Variants in MDGA2 observed in about 807,000 individuals in gnomAD.
MDGA2 encodes MAM domain-containing glycosylphosphatidylinositol anchor protein 2.
Under a neutral mutation model 117.8 loss-of-function variants are expected in MDGA2, and 40 were observed. The ratio of observed to expected loss-of-function variants is 0.34; its 90% CI spans 0.26 to 0.44. The LOEUF is 0.44. Ranked by LOEUF, MDGA2 falls within the 20% of genes least tolerant of loss-of-function variation. The probability of loss-of-function intolerance (pLI) is 1.00; values close to 1 mark genes in which losing one functional copy is unlikely to be tolerated. For synonymous variants in MDGA2, 452 were observed against 439.0 expected (o/e 1.03, Z -0.37); for missense variants, 1,123 against 1,250.6 (o/e 0.90, Z 1.54).
chr14:47,153,503 T>C lies in MDGA2; in HGVS notation c.596-9229A>G, dbSNP rs1023916741. 9.2e-5 allele frequency among the ~76,000 whole-genome samples: 14 copies of C among 152,214 alleles called. No individual in the cohort carries two copies. In the East Asian group the frequency reaches 1.9e-3, roughly 21 times the overall value. On this transcript the variant is annotated intron_variant, in intron 3 of 16. Coordinates refer to ENST00000399232, the MANE Select transcript of MDGA2 (RefSeq NM_001113498.3). ...TGTAAAAGGTAAGAAAGTTGAGTTC[T>C]GTTTGGTTGACGCAGCTCCTCCAGT... is the stretch of plus-strand genomic sequence containing the variant.
intron 1 of MDGA2, among the ~76,000 whole-genome samples, chr14:47,360,210 A>C (rs968185675): frequency 6.6e-5 from 10 of 151,448 alleles, no homozygotes; most frequent in African/African-American, 2.4e-4. Flanking sequence ...AATTAGCCGG[A>C]TGTGGTGGTG....
intron 2 of MDGA2, among the ~76,000 whole-genome samples, chr14:47,257,004 T>C (rs1012882288): frequency 1.3e-5 from 2 of 149,444 alleles, no homozygotes; most frequent in African/African-American, 2.5e-5. Context: ...AGGAAGGGGA[T>C]AGGAATGGGG....
At chr14:47,622,020 TAGTA>T (rs750857377) in intron 1 of MDGA2, among the ~76,000 whole-genome samples, 19 of 152,204 alleles carry the variant, frequency 1.2e-4, no homozygotes, top group Admixed American at 8.5e-4. Context: ...GCTTGTAACA[TAGTA>T]AGTATTAAAT....
At chr14:46,918,828 C>G (rs1217037733) in intron 10 of MDGA2, among the ~76,000 whole-genome samples, 2 of 147,418 alleles carry the variant, frequency 1.4e-5, no homozygotes, top group African/African-American at 5.2e-5. Flanking sequence ...GTGGCGCGAC[C>G]TCGGCTCGCT....
chr14:46,971,095 C>T (rs1394559861), intron 8 of MDGA2, among the ~76,000 whole-genome samples: 1 of 151,954 alleles, frequency 6.6e-6, no homozygotes, highest in Non-Finnish European at 1.5e-5. Context: ...AGAGAAAAGA[C>T]AATTCATACA....
chr14:47,577,478 G>T (rs781424106), intron 1 of MDGA2, among the ~76,000 whole-genome samples: 10 of 152,060 alleles, frequency 6.6e-5, no homozygotes, highest in Admixed American at 1.3e-4. Context: ...CACAGCAAAA[G>T]AAACTATCAT....
chr14:47,325,241 T>G (rs769645222), intron 1 of MDGA2, among the ~76,000 whole-genome samples: 1 of 152,166 alleles, frequency 6.6e-6, no homozygotes, highest in African/African-American at 2.4e-5. Context: ...TCAGCAACAC[T>G]GAAGTCATTC....
intron 1 of MDGA2, among the ~76,000 whole-genome samples, chr14:47,611,793 A>C (rs915333647): frequency 6.6e-6 from 1 of 152,194 alleles, no homozygotes; most frequent in Non-Finnish European, 1.5e-5. Context: ...TAGTAGAGCC[A>C]ATGAAAATAA....
intron 1 of MDGA2, among the ~76,000 whole-genome samples, chr14:47,664,089 GAGA>G (rs1478757346): frequency 1.3e-5 from 2 of 152,154 alleles, no homozygotes; most frequent in Non-Finnish European, 2.9e-5. Context: ...CACTGTTAAG[GAGA>G]AGAAGGAGAA....
At chr14:47,034,464 T>G (rs1032109491) in intron 8 of MDGA2, among the ~76,000 whole-genome samples, 2 of 152,184 alleles carry the variant, frequency 1.3e-5, no homozygotes, top group African/African-American at 4.8e-5. Context: ...ACTATATTAC[T>G]AGATAATTAC....
Position 47,582,915 on chromosome 14 carries a change from C to A in MDGA2, c.280+91602G>T, listed in dbSNP as rs572541376. Among the ~76,000 whole-genome samples, 82 of 152,036 alleles carry A rather than the reference C, an allele frequency of 5.4e-4. 1 individual carries two copies. The highest frequency in any genetic ancestry group is 1.9e-3 in the African/African-American group (78 of 41,536). On this transcript the variant is annotated intron_variant, in intron 1 of 16. Coordinates refer to ENST00000399232, the MANE Select transcript of MDGA2 (RefSeq NM_001113498.3). ...TCAACTCAGTCTCTCACTGCATAAGCTTCTAATTACCGCAAGTGAGCAAAT... is the reference window on the plus strand; with the variant it reads ...TCAACTCAGTCTCTCACTGCATAAGATTCTAATTACCGCAAGTGAGCAAAT...
At chr14:47,198,629 T>C (rs1244530533) in intron 3 of MDGA2, among the ~76,000 whole-genome samples, 1 of 152,212 alleles carries the variant, frequency 6.6e-6, no homozygotes, top group Non-Finnish European at 1.5e-5. Context: ...AATACAATTA[T>C]GATGAAAACA....
At chr14:47,052,408 T>C (rs796595554) in intron 7 of MDGA2, among the ~76,000 whole-genome samples, 29 of 152,044 alleles carry the variant, frequency 1.9e-4, no homozygotes, top group African/African-American at 6.5e-4. Context: ...TAATAAGTTG[T>C]AAAGTCAAAC....
chr14:47,091,469 G>C (rs781577488), intron 6 of MDGA2, among the ~76,000 whole-genome samples: 36 of 152,106 alleles, frequency 2.4e-4, no homozygotes, highest in Non-Finnish European at 3.8e-4. Context: ...TCTTAAGATA[G>C]GGGAATCAGA....
chr14:47,501,165 C>T (rs146464254), intron 1 of MDGA2, among the ~76,000 whole-genome samples: 11 of 152,052 alleles, frequency 7.2e-5, no homozygotes, highest in South Asian at 2.1e-4. Flanking sequence ...TACCAGTTTA[C>T]GGGTAAGAGA....
chr14:47,524,838 T>G (rs1212433829), intron 1 of MDGA2, among the ~76,000 whole-genome samples: 1 of 152,190 alleles, frequency 6.6e-6, no homozygotes, highest in Admixed American at 6.5e-5. Flanking sequence ...ACTTGCTAAG[T>G]TAATGACTAA....
At chr14:47,474,840 G>A (rs1343453845) in intron 1 of MDGA2, among the ~76,000 whole-genome samples, 1 of 152,084 alleles carries the variant, frequency 6.6e-6, no homozygotes, top group African/African-American at 2.4e-5. Context: ...AACTCAAATA[G>A]ATTAAAGACT....
intron 1 of MDGA2, among the ~76,000 whole-genome samples, chr14:47,635,442 T>C (rs1897306799): frequency 6.6e-6 from 1 of 152,134 alleles, no homozygotes; most frequent in Admixed American, 6.5e-5. Flanking sequence ...ACAGAGCAGA[T>C]GGTTTACAAA....
chr14:47,674,609 T>C lies in MDGA2; in HGVS notation c.188A>G (p.Tyr63Cys), dbSNP rs1197078579. 23 of 1,547,178 alleles carry C rather than the reference T, an allele frequency of 1.5e-5. No homozygotes were observed. The highest frequency in any genetic ancestry group is 2.8e-5 in the African/African-American group (2 of 72,718). Residue 63 changes from tyrosine to cysteine, a missense_variant, in exon 1 of 17, where the codon TAT (tyrosine) becomes TGT (cysteine). Around this residue, in one of 2 missense-constraint regions of MDGA2, gnomAD observed 233 missense variants for 200.3 expected, o/e 1.16. Coordinates refer to ENST00000399232, the MANE Select transcript of MDGA2 (RefSeq NM_001113498.3). ...ATCCATCTTCACGTGAACATGAACA[T>C]ATCCAGCCCAGGGGGTACGCAACGG... is the stretch of plus-strand genomic sequence containing the variant. Reference protein sequence around the residue: ...KVPLRTPWAGYVHVHVKMDLL... With the variant: ...KVPLRTPWAGCVHVHVKMDLL...
Sources: allele counts gnomAD v4.1 joint callset (sites outside exome capture counted in the v4.1 genomes callset), GRCh38; gene constraint gnomAD v4.1.1; regional missense constraint gnomAD v4.1.1; transcripts MANE v1.5; gene names NCBI Gene and HGNC (gene_info 2026-07-23, HGNC 2026-07-21).